COL5A3: variants seen among roughly 807,000 people sequenced by gnomAD.
COL5A3 encodes the protein collagen type V alpha 3 chain.
A neutral mutation model predicts 250.0 loss-of-function variants in COL5A3; 172 were observed. The ratio of observed to expected loss-of-function variants is 0.69; its 90% CI spans 0.61 to 0.78. The LOEUF (loss-of-function observed/expected upper bound fraction) is 0.78. COL5A3 is among the 30% of genes least tolerant of loss of function. The probability of loss-of-function intolerance (pLI) is 0.00; values close to 1 mark genes in which losing one functional copy is unlikely to be tolerated. For missense variants in COL5A3, 2,340 were observed against 2,334.4 expected (o/e 1.00, Z -0.05); for synonymous variants, 937 against 900.4 (o/e 1.04, Z -0.73).
chr19:10,003,920 G>T, intron 5 of COL5A3, 121 bp downstream of exon 5: 2 of 1,022,106 alleles, frequency 2.0e-6, no homozygotes. Flanking sequence ...GGATGTGTTG[G>T]AGGTCACGGG....
intron 27 of COL5A3, among the ~76,000 whole-genome samples, chr19:9,988,638 C>T (rs1264869839): frequency 6.6e-6 from 1 of 151,854 alleles, no homozygotes; most frequent in Non-Finnish European, 1.5e-5. Flanking sequence ...CGAGACCAGC[C>T]TGGCCAACAT....
chr19:9,989,151 CG>C lies in COL5A3; in HGVS notation c.2117del (p.Pro706ArgfsTer9). The C allele has an allele frequency of 6.2e-7, 1 of 1,614,194 alleles. No individual in the cohort carries two copies. Among genetic ancestry groups the C allele is most frequent in the South Asian group, 1.1e-5 (1 of 91,088 alleles). ...TCACTCCCCGAGGTCCAGGATAGCC[CG>C]GAGGGCCTGCCGACCCTGGTGGACC... ...AQGPPGSAGP[P>X]GYPGPRGVKG... On this transcript the variant is annotated frameshift_variant, in exon 27 of 67. Coordinates refer to ENST00000264828, the MANE Select transcript of COL5A3 (RefSeq NM_015719.4). LOFTEE classifies it high-confidence loss of function.
At chr19:9,995,412 T>C in intron 16 of COL5A3, 152 bp downstream of exon 16, 1 of 558,272 alleles carries the variant, frequency 1.8e-6, no homozygotes, top group South Asian at 4.3e-5. Flanking sequence ...GCCGGATTCC[T>C]TTGACACACA....
Position 9,989,332 on chromosome 19 carries a change from T to C in COL5A3, c.2081A>G (p.Lys694Arg). ...HPGHEGPTGE[K>R]GAQGPPGSAG... Reference sequence around the variant, plus strand: ...CTCCTGGTCACTCACCTGAGCCCCTTTCTCTCCCGTGGGGCCCTCATGTCC... The same window carrying C: ...CTCCTGGTCACTCACCTGAGCCCCTCTCTCTCCCGTGGGGCCCTCATGTCC... Residue 694 changes from lysine (K) to arginine (R), a missense_variant, in exon 26 of 67, where the codon AAA becomes AGA. Transcript: ENST00000264828. 6.2e-7 allele frequency: 1 copy of C among 1,614,160 alleles called. No homozygotes were observed. Among genetic ancestry groups the C allele is most frequent in the Non-Finnish European group, 8.5e-7 (1 of 1,180,026 alleles).
Position 9,997,366 on chromosome 19 carries a change from C to CTT in COL5A3, c.1263+3_1263+4dup. On this transcript the variant is annotated splice_donor_region_variant and intron_variant, in intron 11 of 66. Transcript: ENST00000264828. ...GAAGTGTACACCCCAGTGGGAGTCTCTTACCGGTGGACCAGGGTCGCCAGG... is the reference window on the plus strand; with the variant it reads ...GAAGTGTACACCCCAGTGGGAGTCTCTTTTACCGGTGGACCAGGGTCGCCAGG... 1 of 1,607,052 alleles carries CTT rather than the reference C, an allele frequency of 6.2e-7. No individual in the cohort carries two copies. The highest frequency in any genetic ancestry group is 8.5e-7 in the Non-Finnish European group (1 of 1,176,362).
chr19:9,991,141 A>T (rs1430520470), intron 24 of COL5A3, among the ~76,000 whole-genome samples: 2 of 152,194 alleles, frequency 1.3e-5, no homozygotes, highest in Non-Finnish European at 1.5e-5. Flanking sequence ...ACTCGGGTGG[A>T]TGAGGTGGGA....
At chr19:9,990,908 G>A (rs2087179771) in intron 24 of COL5A3, among the ~76,000 whole-genome samples, 1 of 152,040 alleles carries the variant, frequency 6.6e-6, no homozygotes. Context: ...TGAAATAGAA[G>A]CTTCACAGCC....
chr19:9,980,145 G>A, intron 35 of COL5A3, 98 bp from the exon 36 acceptor site: 1 of 1,157,636 alleles, frequency 8.6e-7, no homozygotes, highest in Non-Finnish European at 1.2e-6. Context: ...CATATTGAGT[G>A]CTTACTGCAT....
At chr19:9,995,032 C>G (rs1249634794) in intron 16 of COL5A3, among the ~76,000 whole-genome samples, 2 of 152,078 alleles carry the variant, frequency 1.3e-5, no homozygotes, top group East Asian at 1.9e-4. Context: ...CTCAGCCTCC[C>G]GAGTAGCTGG....
intron 62 of COL5A3, 68 bp downstream of exon 62, chr19:9,967,279 A>ACCCAGACATAGTCCTTGCTCTCCC: frequency 8.4e-7 from 1 of 1,184,616 alleles, no homozygotes; most frequent in African/African-American, 1.6e-5. Context: ...CTCTGGGGAC[A>ACCCAGACATAGTCCTTGCTCTCCC]CCCAGACATA....
chr19:9,981,207 C>G, intron 32 of COL5A3, 75 bp from the exon 33 acceptor site: 1 of 1,351,578 alleles, frequency 7.4e-7, no homozygotes, highest in Middle Eastern at 1.8e-4. Flanking sequence ...AAAAAGACAC[C>G]CAGTCACAGA....
At chr19:9,984,745 G>A (rs1055188053) in intron 31 of COL5A3, among the ~76,000 whole-genome samples, 10 of 151,994 alleles carry the variant, frequency 6.6e-5, no homozygotes, top group Admixed American at 2.0e-4. Flanking sequence ...ATCACATAGC[G>A]GGTAAGAGGG....
Position 9,997,439 on chromosome 19 carries a change from G to A in COL5A3, c.1201-6C>T. 1 of 1,596,070 alleles carries A rather than the reference G, an allele frequency of 6.3e-7. No individual in the cohort carries two copies. Among genetic ancestry groups the A allele is most frequent in the Non-Finnish European group, 8.5e-7 (1 of 1,171,062 alleles). The stretch of plus-strand genomic sequence containing the variant: ...CCTGAGGGGCCAACCACCCCCTGTT[G>A]GGGACAGAGAAACAGGAGTCACAGG... On this transcript the variant is annotated splice_polypyrimidine_tract_variant and splice_region_variant and intron_variant, in intron 10 of 66. Transcript: ENST00000264828.
Position 9,973,584 on chromosome 19 carries a change from C to T in COL5A3, c.3652G>A (p.Ala1218Thr). ...CAGTCACTCACCGGGATGCCTGGGG[C>T]TCCTGGAGGCCCTGGGTCTCCAGCG... ...GDAGDPGPPG[A>T]PGIPGPKGDI... The change falls in exon 50 of 67, where the codon GCC (alanine) becomes ACC (threonine). Residue 1218 changes from alanine (A) to threonine (T), a missense_variant. Physicochemically the swap from Ala to Thr is moderately conservative, Grantham distance 58 (BLOSUM62 0). Coordinates refer to ENST00000264828, the MANE Select transcript of COL5A3 (RefSeq NM_015719.4). The T allele has an allele frequency of 6.2e-7, 1 of 1,612,550 alleles. No individual in the cohort carries two copies. Among genetic ancestry groups the T allele is most frequent in the Non-Finnish European group, 8.5e-7 (1 of 1,179,246 alleles).
At position 9,986,757 on chromosome 19, in the gene COL5A3, C is replaced by T. The variant is rs2087106191; in HGVS notation, c.2147G>A (p.Gly716Asp). The change falls in exon 28 of 67, where the codon GGC (glycine) becomes GAC (aspartate). Residue 716 changes from glycine (G) to aspartate (D), a missense_variant and splice_region_variant. This residue lies in a region of COL5A3 where 1,152 missense variants were observed against 1,146.3 expected (regional missense o/e 1.00). Coordinates refer to ENST00000264828, the MANE Select transcript of COL5A3 (RefSeq NM_015719.4). ...CTGGAGGCCCCGGTTGCCTGAAGTG[C>T]CCTGGAAAATAAAAAAAAAAAGCTC... ...PGYPGPRGVK[G>D]TSGNRGLQGE... 6.3e-7 allele frequency: 1 copy of T among 1,586,080 alleles called. No homozygotes were observed. Among genetic ancestry groups the T allele is most frequent in the South Asian group, 1.1e-5 (1 of 90,522 alleles).
At chr19:9,977,052 AC>A (rs1187534306) in intron 44 of COL5A3, among the ~76,000 whole-genome samples, 176 bp downstream of exon 44, 1 of 151,952 alleles carries the variant, frequency 6.6e-6, no homozygotes. Context: ...GGTTCTGTGG[AC>A]CCATCGCTCC....
At chr19:9,981,587 C>T (rs987539776) in intron 32 of COL5A3, among the ~76,000 whole-genome samples, 21 of 152,180 alleles carry the variant, frequency 1.4e-4, no homozygotes, top group Non-Finnish European at 2.1e-4. Context: ...CACTCATGTA[C>T]GTACATACAA....
chr19:10,002,328 C>T (rs2087376158), intron 6 of COL5A3, among the ~76,000 whole-genome samples: 1 of 151,860 alleles, frequency 6.6e-6, no homozygotes, highest in Admixed American at 6.6e-5. Context: ...GGGGACAAGG[C>T]TGAGGAAGGG....
In COL5A3 at chr19:9,993,614, C is replaced by T; in HGVS notation, c.1695+5G>A. 1 of 1,614,042 alleles carries T rather than the reference C, an allele frequency of 6.2e-7. No homozygotes were observed. Among genetic ancestry groups the T allele is most frequent in the East Asian group, 2.2e-5 (1 of 44,862 alleles). On this transcript the variant is annotated splice_donor_5th_base_variant and intron_variant, in intron 18 of 66. Transcript: ENST00000264828. The stretch of plus-strand genomic sequence containing the variant: ...AGACTTGGGGGAGGGACCTCACACA[C>T]TCACCCTTTGGCCCTTCTCACCAGG...
Sources: gnomAD v4.1 joint callset for allele counts (sites outside exome capture counted in the v4.1 genomes callset) on GRCh38, gnomAD v4.1.1 for gene constraint, gnomAD v4.1.1 regional missense constraint, MANE v1.5 for transcripts, NCBI Gene and HGNC (gene_info 2026-07-23, HGNC 2026-07-21) for gene names.